The following INSL6 variants were observed in gnomAD, a reference collection of about 807,000 sequenced individuals.
INSL6 encodes insulin like 6.
A neutral mutation model predicts 9.4 loss-of-function variants in INSL6; 16 were observed. The observed-to-expected ratio is 1.70, with a 90% confidence interval of 1.15 to 2.59. The LOEUF is 2.59. Ranked by LOEUF, INSL6 falls within the 30% of genes most tolerant of loss-of-function variation. The probability of loss-of-function intolerance (pLI) is 0.00; values close to 1 mark genes in which losing one functional copy is unlikely to be tolerated. For synonymous variants in INSL6, 154 were observed against 96.9 expected, an observed-to-expected ratio of 1.59 and a Z score of -3.46; for missense variants, 391 against 257.3, an observed-to-expected ratio of 1.52 and a Z score of -3.56.
At chr9:5,100,743 G>C in the INSL6 span, 1 of 152,172 alleles carries the variant, frequency 6.6e-6, no homozygotes, top group East Asian at 1.9e-4. Context: ...GATTACCTTA[G>C]GTATTTACTT....
chr9:5,180,312 G>C (rs1036247035), intron 1 of INSL6, among the ~76,000 whole-genome samples: 1 of 152,134 alleles, frequency 6.6e-6, no homozygotes, highest in African/African-American at 2.4e-5. Flanking sequence ...TATGAAATCA[G>C]TGCACCTTGA....
At chr9:5,096,522 A>T in the INSL6 span, 11 of 152,208 alleles carry the variant, frequency 7.2e-5, no homozygotes, top group African/African-American at 2.7e-4. Flanking sequence ...AGGCCGGAGA[A>T]GCCCTGGCAG....
downstream of INSL6, chr9:5,163,867 A>G (rs767933881): frequency 2.4e-6 from 3 of 1,235,442 alleles, 1 homozygote; most frequent in South Asian, 3.9e-5. Context: ...ATAGAGTTAA[A>G]TAAATGTATT....
At chr9:5,119,284 G>C (rs1823437004), downstream of INSL6, among the ~76,000 whole-genome samples, 1 of 151,994 alleles carries the variant, frequency 6.6e-6, no homozygotes, top group Non-Finnish European at 1.5e-5. Context: ...AGAAACAAAT[G>C]ACAGAACAAA....
At chr9:5,013,181 G>A in the INSL6 span, among the ~76,000 whole-genome samples, 1 of 151,982 alleles carries the variant, frequency 6.6e-6, no homozygotes, top group African/African-American at 2.4e-5. Flanking sequence ...ACAACCCAAA[G>A]CACTTTTTTT....
At chr9:5,175,042 C>A (rs995199980) in intron 1 of INSL6, among the ~76,000 whole-genome samples, 4 of 151,960 alleles carry the variant, frequency 2.6e-5, no homozygotes, top group Non-Finnish European at 4.4e-5. Flanking sequence ...CGGGTTCACA[C>A]CATTCTCCTG....
chr9:5,037,842 A>C, the INSL6 span, among the ~76,000 whole-genome samples: 12 of 152,254 alleles, frequency 7.9e-5, no homozygotes, highest in Non-Finnish European at 1.5e-4. Context: ...TGTACCCTAA[A>C]ACTTAAAGTA....
chr9:5,043,792 G>A, the INSL6 span, among the ~76,000 whole-genome samples: 8 of 152,208 alleles, frequency 5.3e-5, no homozygotes, highest in African/African-American at 1.9e-4. Flanking sequence ...AATGATACAT[G>A]CTCTAATGTG....
chr9:5,155,361 A>G (rs557653378), intron 2 of INSL6, among the ~76,000 whole-genome samples: 1 of 150,210 alleles, frequency 6.7e-6, no homozygotes, highest in South Asian at 2.1e-4. Flanking sequence ...GCATTAGGAG[A>G]TATACCTAAT....
chr9:5,127,249 A>G (rs764014447), intron 3 of INSL6: 2 of 232,434 alleles, frequency 8.6e-6, no homozygotes, highest in Non-Finnish European at 1.7e-5. Flanking sequence ...ACTGTTTTCT[A>G]ATTTTTCCAT....
At chr9:5,114,271 C>A in the INSL6 span, 1 of 544,710 alleles carries the variant, frequency 1.8e-6, no homozygotes, top group Non-Finnish European at 3.6e-6. Context: ...GTGGACCTGG[C>A]ACCCAGCAAG....
the INSL6 span, chr9:5,072,631 G>A: frequency 6.3e-6 from 10 of 1,584,714 alleles, no homozygotes; most frequent in Non-Finnish European, 6.9e-6. Flanking sequence ...TCAGAGGTGT[G>A]TATGTTCTTT....
At chr9:5,106,908 C>T in the INSL6 span, among the ~76,000 whole-genome samples, 2 of 152,000 alleles carry the variant, frequency 1.3e-5, no homozygotes, top group South Asian at 4.1e-4. Context: ...GGAGGGATAG[C>T]ATTAGGAGAA....
chr9:5,132,186 A>C (rs997010639), intron 3 of INSL6: 1 of 152,220 alleles, frequency 6.6e-6, no homozygotes, highest in Non-Finnish European at 1.5e-5. Context: ...GGCACCATTC[A>C]TTTTTAAAAT....
the INSL6 span, among the ~76,000 whole-genome samples, chr9:5,104,400 T>A: frequency 1.3e-5 from 2 of 151,924 alleles, no homozygotes; most frequent in Admixed American, 6.6e-5. Context: ...AATAACAGGC[T>A]CTGAAATTGA....
At chr9:5,138,654 A>C (rs991904566) in intron 2 of INSL6, among the ~76,000 whole-genome samples, 1 of 152,066 alleles carries the variant, frequency 6.6e-6, no homozygotes, top group African/African-American at 2.4e-5. Context: ...GGGTGCAGCA[A>C]ACCACCATGA....
At chr9:5,115,831 C>T in the INSL6 span, among the ~76,000 whole-genome samples, 1 of 152,138 alleles carries the variant, frequency 6.6e-6, no homozygotes, top group African/African-American at 2.4e-5. Context: ...ACCACTTGTT[C>T]TCGCTGATAA....
At chr9:5,073,632 G>T in the INSL6 span, 6 of 1,167,888 alleles carry the variant, frequency 5.1e-6, no homozygotes, top group Admixed American at 5.3e-5. Flanking sequence ...ATGGCAGAGA[G>T]AATTTTCTGA....
At chr9:5,123,159 G>C, downstream of INSL6, 1 of 1,380,434 alleles carries the variant, frequency 7.2e-7, no homozygotes, top group Non-Finnish European at 1.0e-6. Context: ...TTTTTTGTTT[G>C]TTCGTTTGAT....
Sources: gnomAD v4.1 joint callset for allele counts (sites outside exome capture counted in the v4.1 genomes callset) on GRCh38, gnomAD v4.1.1 for gene constraint, MANE v1.5 for transcripts, NCBI Gene and HGNC (gene_info 2026-07-23, HGNC 2026-07-21) for gene names.